Variants in SIDT1 observed in about 807,000 individuals in gnomAD.
The protein encoded by SIDT1 is SID1 transmembrane family member 1.
A neutral mutation model predicts 107.5 loss-of-function variants in SIDT1; 101 were observed. The observed-to-expected ratio is 0.94, with a 90% confidence interval of 0.80 to 1.11. SIDT1 has a LOEUF of 1.11. Among genes scored for constraint, SIDT1 ranks in the 50% least tolerant of loss-of-function variants. The pLI is 0.00. For synonymous variants in SIDT1, 395 were observed against 398.2 expected (o/e 0.99, Z 0.10); for missense variants, 1,076 against 1,058.2 (o/e 1.02, Z -0.23).
intron 1 of SIDT1, among the ~76,000 whole-genome samples, chr3:113,551,131 A>G (rs7612047): frequency 0.092 from 13,982 of 152,218 alleles, 833 homozygotes; most frequent in East Asian, 0.16. Flanking sequence ...TCCATGGTGC[A>G]TATATACCAC....
At position 113,556,821 on chromosome 3, in the gene SIDT1, C is replaced by CTTTTTTTTTTT. The variant is rs61672960; in HGVS notation, c.223-9593_223-9583dup. ...ATTGGTATGCCCTAAGTTTCTTTTT[C>CTTTTTTTTTTT]TTTTTTTTTTTTTTTTGAAATAGAG... On this transcript the variant is annotated intron_variant, in intron 1 of 24. Transcript: ENST00000264852. 3.0e-4 allele frequency among the ~76,000 whole-genome samples: 32 copies of CTTTTTTTTTTT among 107,628 alleles called. 3 individuals carry two copies. Among genetic ancestry groups the CTTTTTTTTTTT allele is most frequent in the East Asian group, 1.2e-3 (4 of 3,434 alleles). The allele number at this position is 107,628 out of a possible 152,430, so 70.6% of individuals were successfully genotyped here.
At chr3:113,604,861 CCACTGTTCATTT>C (rs1384520936) in intron 13 of SIDT1, 37 bp from the exon 14 acceptor site, 1 of 1,598,430 alleles carries the variant, frequency 6.3e-7, no homozygotes, top group South Asian at 1.1e-5. Flanking sequence ...ACCAAAGACT[CCACTGTTCATTT>C]GAAAATAAGC....
rs145525164 is a variant in SIDT1 at position 113,623,626 on chromosome 3, C to T, written c.2200C>T (p.Arg734Cys). ...YLAFYIIMKLRSSEKVLPVPL... is the reference protein window; with the variant it reads ...YLAFYIIMKLCSSEKVLPVPL... ...GCATCTGCTTCTCCTCCCACAGCTCCGCAGCTCTGAAAAGGTCCTCCCAGT... is the reference window on the plus strand; with the variant it reads ...GCATCTGCTTCTCCTCCCACAGCTCTGCAGCTCTGAAAAGGTCCTCCCAGT... The change falls in exon 23 of 25, where the codon CGC (arginine) becomes TGC (cysteine). Residue 734 changes from arginine (R) to cysteine (C), a missense_variant. Physicochemically the swap from Arg to Cys is radical, Grantham distance 180. Coordinates refer to ENST00000264852, the MANE Select transcript of SIDT1 (RefSeq NM_017699.3). 1.1e-4 allele frequency: 174 copies of T among 1,613,230 alleles called. No individual in the cohort carries two copies. The African/African-American group carries it at 2.2e-3, about 20-fold the overall frequency.
At chr3:113,582,090 CCAGTAA>C (rs1301902528) in intron 6 of SIDT1, among the ~76,000 whole-genome samples, 8 of 152,100 alleles carry the variant, frequency 5.3e-5, no homozygotes, top group Non-Finnish European at 7.4e-5. Flanking sequence ...ATAATCTATA[CCAGTAA>C]CAGTAAGCAA....
At chr3:113,570,511 C>G (rs1352941198) in intron 3 of SIDT1, among the ~76,000 whole-genome samples, 3 of 152,242 alleles carry the variant, frequency 2.0e-5, no homozygotes, top group Non-Finnish European at 4.4e-5. Context: ...AAGGTCACAA[C>G]TGTAGCGAGT....
chr3:113,544,426 G>T (rs559162056), intron 1 of SIDT1, among the ~76,000 whole-genome samples: 3 of 152,064 alleles, frequency 2.0e-5, no homozygotes, highest in Non-Finnish European at 4.4e-5. Context: ...TCCTGACCTT[G>T]TGATCCACCC....
At position 113,612,129 on chromosome 3, in the gene SIDT1, C is replaced by T. The variant is rs200018632; in HGVS notation, c.1901C>T (p.Ala634Val). ...GTATGGTTCTGGGTCATCTTCTCTG[C>T]AATCCACGTTCTGGCCTCGCTAGCC... Reference protein sequence around the residue: ...NDVWFWVIFSAIHVLASLALS... With the variant: ...NDVWFWVIFSVIHVLASLALS... Residue 634 changes from alanine to valine, a missense_variant, in exon 19 of 25, where the codon GCA becomes GTA. Ala to Val is a moderately conservative substitution (Grantham distance 64). Coordinates refer to ENST00000264852, the MANE Select transcript of SIDT1 (RefSeq NM_017699.3). 122 of 1,614,008 alleles carry T rather than the reference C, an allele frequency of 7.6e-5. No homozygotes were observed. Among genetic ancestry groups the T allele is most frequent in the Non-Finnish European group, 9.9e-5 (117 of 1,180,012 alleles).
rs531769214 is a variant in SIDT1, at chr3:113,533,210, C to T, written c.189C>T (p.Ile63=). 2 of 1,526,408 alleles carry T rather than the reference C, an allele frequency of 1.3e-6. No homozygotes were observed. The highest frequency in any genetic ancestry group is 1.4e-5 in the African/African-American group (1 of 69,696). The allele number at this position is 1,526,408 out of a possible 1,614,324, so 94.6% of individuals were successfully genotyped here. A position where few individuals can be genotyped will look rare whatever the true frequency, so the allele number is the denominator to read the frequency against. The change falls in exon 1 of 25, where the codon ATC becomes ATT. Residue 63 remains isoleucine (I), a synonymous_variant. Coordinates refer to ENST00000264852, the MANE Select transcript of SIDT1 (RefSeq NM_017699.3). ...SGVVNLSTEN[I]YSFNYTSQPD... ...TGGTGAACCTCAGCACCGAGAACAT[C>T]TACTCTTTCAACTACACCAGCCAGC...
chr3:113,596,665 C>T lies in SIDT1; in HGVS notation c.1045+3617C>T, dbSNP rs140487725. On this transcript the variant is annotated intron_variant, in intron 10 of 24. Coordinates refer to ENST00000264852, the MANE Select transcript of SIDT1 (RefSeq NM_017699.3). ...AAGGCTCTGTGCTCTAAAACCATTT[C>T]CTCCACTGGCTTTATCAGAGAGAAA... Among the ~76,000 whole-genome samples the T allele has an allele frequency of 2.8e-3, 429 of 152,300 alleles. 2 individuals are homozygous for T. Among genetic ancestry groups the T allele is most frequent in the African/African-American group, 9.8e-3 (407 of 41,566 alleles).
At chr3:113,566,610 T>C in intron 2 of SIDT1, 69 bp downstream of exon 2, 4 of 1,528,622 alleles carry the variant, frequency 2.6e-6, no homozygotes, top group Non-Finnish European at 3.6e-6. Flanking sequence ...ACTTAATTGG[T>C]CTTTTCCCTA....
chr3:113,570,098 T>C (rs116945551), intron 3 of SIDT1, among the ~76,000 whole-genome samples: 4,113 of 152,198 alleles, frequency 0.027, 92 homozygotes, highest in East Asian at 0.09. Context: ...TAGAGACGGA[T>C]TTGACCATGT....
At chr3:113,599,288 G>A (rs984439230) in intron 10 of SIDT1, among the ~76,000 whole-genome samples, 3 of 152,212 alleles carry the variant, frequency 2.0e-5, no homozygotes, top group African/African-American at 7.2e-5. Context: ...GAAGATGCAG[G>A]ATGACCCACG....
intron 18 of SIDT1, 72 bp from the exon 19 acceptor site, chr3:113,612,014 G>A: frequency 4.6e-6 from 5 of 1,093,326 alleles, no homozygotes; most frequent in Non-Finnish European, 7.0e-6. Flanking sequence ...TACACATACA[G>A]GAGAGAGGAT....
chr3:113,566,366 T>C, intron 1 of SIDT1, 54 bp from the exon 2 acceptor site: 1 of 1,499,160 alleles, frequency 6.7e-7, no homozygotes, highest in South Asian at 1.2e-5. Flanking sequence ...GTGTGTGTGT[T>C]TGCATGTGTG....
intron 1 of SIDT1, among the ~76,000 whole-genome samples, chr3:113,555,422 A>G (rs1271069267): frequency 6.6e-6 from 1 of 152,226 alleles, no homozygotes; most frequent in South Asian, 2.1e-4. Flanking sequence ...CTCTTACAGG[A>G]TAGGGAGTCA....
At chr3:113,567,497 TC>T (rs1299368696) in intron 2 of SIDT1, 42 bp from the exon 3 acceptor site, 1 of 1,533,762 alleles carries the variant, frequency 6.5e-7, no homozygotes, top group African/African-American at 1.4e-5. Context: ...TGAGTCCCTT[TC>T]TTGTCCTTGT....
intron 23 of SIDT1, 113 bp from the exon 24 acceptor site, chr3:113,625,989 C>A (rs1946822854): frequency 2.7e-6 from 2 of 744,532 alleles, no homozygotes; most frequent in Non-Finnish European, 4.8e-6. Context: ...TTCTTGGAAG[C>A]TAACTTTTCG....
At chr3:113,626,909 G>A (rs534435879) in intron 24 of SIDT1, among the ~76,000 whole-genome samples, 11 of 152,220 alleles carry the variant, frequency 7.2e-5, no homozygotes, top group East Asian at 3.9e-4. Flanking sequence ...CGGGCTCCAC[G>A]CAAAGCGGGC....
At chr3:113,634,515 G>C (rs1947111556), downstream of SIDT1, among the ~76,000 whole-genome samples, 1 of 152,082 alleles carries the variant, frequency 6.6e-6, no homozygotes, top group Non-Finnish European at 1.5e-5. Flanking sequence ...AAAAGGTATG[G>C]CCCGGCACAG....
Sources: gnomAD v4.1 joint callset for allele counts (sites outside exome capture counted in the v4.1 genomes callset) on GRCh38, gnomAD v4.1.1 for gene constraint, MANE v1.5 for transcripts, NCBI Gene and HGNC (gene_info 2026-07-23, HGNC 2026-07-21) for gene names.